The following STXBP4 variants were observed in gnomAD, a reference collection of about 807,000 sequenced individuals.
The protein encoded by STXBP4 is syntaxin binding protein 4.
In STXBP4, 55 loss-of-function variants were observed where a neutral mutation model predicts 76.1. That is an observed-to-expected ratio of 0.72 (90% CI 0.58 to 0.91). The LOEUF (loss-of-function observed/expected upper bound fraction) is 0.91, where lower values mean the gene tolerates loss of function less well. STXBP4 is among the 40% of genes least tolerant of loss of function. The pLI, the probability that STXBP4 is intolerant of heterozygous loss-of-function variation, is 0.00. For missense variants in STXBP4, 618 were observed against 636.9 expected (o/e 0.97, Z 0.32); for synonymous variants, 201 against 220.2 (o/e 0.91, Z 0.77).
At chr17:55,065,742 T>A (rs145041070) in intron 12 of STXBP4, among the ~76,000 whole-genome samples, 127 of 152,310 alleles carry the variant, frequency 8.3e-4, no homozygotes, top group Admixed American at 1.9e-3. Context: ...ATGATAAAAT[T>A]TATCAATTAG....
intron 1 of STXBP4, among the ~76,000 whole-genome samples, chr17:54,978,297 C>A (rs182178005): frequency 6.6e-6 from 1 of 152,000 alleles, no homozygotes; most frequent in African/African-American, 2.4e-5. Context: ...GGGCATCTAC[C>A]CTCTGGACTG....
intron 11 of STXBP4, among the ~76,000 whole-genome samples, chr17:55,046,524 G>A (rs985439658): frequency 6.6e-6 from 1 of 151,796 alleles, no homozygotes; most frequent in East Asian, 1.9e-4. Context: ...AATGGACATC[G>A]TAGGGTATAT....
chr17:55,101,925 G>A (rs2079570682), intron 16 of STXBP4, among the ~76,000 whole-genome samples: 2 of 151,836 alleles, frequency 1.3e-5, no homozygotes, highest in South Asian at 4.2e-4. Flanking sequence ...CATTTGTTAT[G>A]TCTGTGTTCT....
At chr17:55,090,539 T>C (rs1476747802) in intron 16 of STXBP4, among the ~76,000 whole-genome samples, 3 of 152,156 alleles carry the variant, frequency 2.0e-5, no homozygotes, top group African/African-American at 7.2e-5. Context: ...ACACATTCTT[T>C]AAAAGGTCAA....
the STXBP4 span, among the ~76,000 whole-genome samples, chr17:55,188,662 G>A: frequency 6.6e-6 from 1 of 152,130 alleles, no homozygotes; most frequent in Non-Finnish European, 1.5e-5. Context: ...TGATTTTAAA[G>A]GATCCCACAA....
At chr17:55,156,599 G>A (rs2080280200) in intron 17 of STXBP4, among the ~76,000 whole-genome samples, 1 of 152,126 alleles carries the variant, frequency 6.6e-6, no homozygotes, top group Non-Finnish European at 1.5e-5. Flanking sequence ...TGTCCCATTG[G>A]TTCTGGACGT....
chr17:55,133,230 T>C (rs1324030301), intron 16 of STXBP4, among the ~76,000 whole-genome samples: 11 of 151,810 alleles, frequency 7.2e-5, no homozygotes, highest in African/African-American at 2.7e-4. Flanking sequence ...CACCAAGATA[T>C]GCTGGTTGAT....
chr17:55,173,031 AAG>A lies in STXBP4; in HGVS notation c.*13124_*13125del, dbSNP rs2080415043. On this transcript the variant is annotated 3_prime_UTR_variant, in exon 18 of 18. Coordinates refer to ENST00000376352, the MANE Select transcript of STXBP4 (RefSeq NM_178509.6). ...TGAGGGGCTTCCAGGGCACAAAGGA[AAG>A]AGAAGTAACTGTGTCTCCTTCCCCA... The A allele has an allele frequency of 6.6e-6, 1 of 152,226 alleles. No homozygotes were observed. The allele number at this position is 152,226 out of a possible 1,614,324, so 9.4% of individuals were successfully genotyped here. A position where few individuals can be genotyped will look rare whatever the true frequency, so the allele number is the denominator to read the frequency against.
chr17:55,011,232 A>T lies in STXBP4; in HGVS notation c.666+3635A>T, dbSNP rs564103717. Reference sequence around the variant, plus strand: ...CTGTGATAGACACTTTATTTGCATTATTTTTTTTAATTTTTTTTAAATTTC... The same window carrying T: ...CTGTGATAGACACTTTATTTGCATTTTTTTTTTTAATTTTTTTTAAATTTC... On this transcript the variant is annotated intron_variant, in intron 8 of 17. Transcript: ENST00000376352. 4.6e-5 allele frequency among the ~76,000 whole-genome samples: 7 copies of T among 151,724 alleles called. No individual in the cohort carries two copies. In the South Asian group the frequency reaches 1.5e-3, roughly 31 times the overall value.
Position 55,171,347 on chromosome 17 carries a change from C to CA in STXBP4, c.*11438dup, listed in dbSNP as rs1359718946. 6.6e-6 allele frequency: 1 copy of CA among 152,182 alleles called. No homozygotes were observed. The highest frequency in any genetic ancestry group is 1.5e-5 in the Non-Finnish European group (1 of 68,042). The allele number at this position is 152,182 out of a possible 1,614,324, so 9.4% of individuals were successfully genotyped here. ...AGAATCCTTCCAAAGCACCCCTGGC[C>CA]AATAGCTCATCAAGATTTTGCTTAG... On this transcript the variant is annotated 3_prime_UTR_variant, in exon 18 of 18. Transcript: ENST00000376352.
At chr17:55,076,651 T>C (rs2079185626) in intron 13 of STXBP4, among the ~76,000 whole-genome samples, 1 of 152,166 alleles carries the variant, frequency 6.6e-6, no homozygotes, top group African/African-American at 2.4e-5. Flanking sequence ...TGTGTACTAT[T>C]TGGGATTCAT....
In STXBP4 at chr17:55,167,537, TA is replaced by T. The variant is rs2080382757; in HGVS notation, c.*7630del. 6.6e-6 allele frequency: 1 copy of T among 152,168 alleles called. No homozygotes were observed. The highest frequency in any genetic ancestry group is 2.1e-4 in the South Asian group (1 of 4,830). The allele number at this position is 152,168 out of a possible 1,614,324, so 9.4% of individuals were successfully genotyped here. Reference sequence around the variant, plus strand: ...CATAAAACTCACAGTATGATCGCAGTAAAAGGATTGTAAAGCACATACTCAC... The same window carrying T: ...CATAAAACTCACAGTATGATCGCAGTAAAGGATTGTAAAGCACATACTCAC... On this transcript the variant is annotated 3_prime_UTR_variant, in exon 18 of 18. Transcript: ENST00000376352.
intron 1 of STXBP4, among the ~76,000 whole-genome samples, chr17:54,973,902 G>A (rs2077433714): frequency 6.6e-6 from 1 of 152,146 alleles, no homozygotes; most frequent in Non-Finnish European, 1.5e-5. Flanking sequence ...TTTCTGGTTA[G>A]CTATAATCAT....
At chr17:55,086,706 T>C (rs2079337091) in intron 16 of STXBP4, among the ~76,000 whole-genome samples, 1 of 152,204 alleles carries the variant, frequency 6.6e-6, no homozygotes, top group South Asian at 2.1e-4. Flanking sequence ...ATCTTGGCTA[T>C]TGTGAATAGT....
intron 9 of STXBP4, among the ~76,000 whole-genome samples, chr17:55,032,242 T>C (rs922601091): frequency 6.6e-6 from 1 of 151,646 alleles, no homozygotes; most frequent in Non-Finnish European, 1.5e-5. Context: ...GCATCTGTAT[T>C]GCTGAAAAAA....
the STXBP4 span, among the ~76,000 whole-genome samples, chr17:55,211,130 C>T: frequency 6.6e-6 from 1 of 152,232 alleles, no homozygotes; most frequent in African/African-American, 2.4e-5. Flanking sequence ...ATGGCTCCCA[C>T]TAGAGGGGAG....
chr17:55,050,502 TCCCCCAA>T (rs1377966363), intron 12 of STXBP4, among the ~76,000 whole-genome samples: 2 of 151,576 alleles, frequency 1.3e-5, no homozygotes, highest in South Asian at 2.1e-4. Context: ...ACGGAGGACA[TCCCCCAA>T]TAAAAAATAA....
chr17:55,011,668 C>A (rs2078115901), intron 8 of STXBP4, among the ~76,000 whole-genome samples: 1 of 152,020 alleles, frequency 6.6e-6, no homozygotes, highest in Admixed American at 6.5e-5. Flanking sequence ...TTGGCTATTT[C>A]TTTACCTCCT....
chr17:55,146,951 A>G (rs897433827), intron 17 of STXBP4, among the ~76,000 whole-genome samples: 7 of 152,342 alleles, frequency 4.6e-5, no homozygotes, highest in African/African-American at 1.7e-4. Flanking sequence ...CTGATCTACC[A>G]TCACTTCTGC....
Sources: allele counts gnomAD v4.1 joint callset (sites outside exome capture counted in the v4.1 genomes callset), GRCh38; gene constraint gnomAD v4.1.1; transcripts MANE v1.5; gene names NCBI Gene and HGNC (gene_info 2026-07-23, HGNC 2026-07-21).